The following DDX60 variants were observed in gnomAD, a reference collection of about 807,000 sequenced individuals.
DDX60 encodes the protein DExD/H-box helicase 60, also known as probable ATP-dependent RNA helicase DDX60.
A neutral mutation model predicts 212.8 loss-of-function variants in DDX60; 165 were observed. The observed-to-expected ratio is 0.78, with a 90% CI of 0.68 to 0.88. The LOEUF is 0.88. DDX60 is among the 40% of genes least tolerant of loss of function. The pLI, the probability that DDX60 is intolerant of heterozygous loss-of-function variation, is 0.00. For missense variants in DDX60, 1,905 were observed against 2,003.9 expected (o/e 0.95, Z 0.94); for synonymous variants, 703 against 685.3 (o/e 1.03, Z -0.40).
chr4:168,276,097 T>C lies in DDX60; in HGVS notation c.2063A>G (p.Gln688Arg). The C allele has an allele frequency of 6.2e-7, 1 of 1,613,808 alleles. No homozygotes were observed. Among genetic ancestry groups the C allele is most frequent in the South Asian group, 1.1e-5 (1 of 91,056 alleles). The change falls in exon 15 of 38, where the codon CAA (glutamine) becomes CGA (arginine). Residue 688 changes from glutamine to arginine, a missense_variant. Gln to Arg is a conservative substitution (Grantham distance 43). Transcript: ENST00000393743. ...GGCTATGAGTTGCCGATCATCTTCT[T>C]GTAAAAGTTCTGAGTATTTTTCCAT... Reference protein sequence around the residue: ...SLMEKYSELLQEDDRQLIARC... With the variant: ...SLMEKYSELLREDDRQLIARC...
chr4:168,276,208 G>T, intron 14 of DDX60, 27 bp from the exon 15 acceptor site: 5 of 1,542,934 alleles, frequency 3.2e-6, no homozygotes, highest in Non-Finnish European at 4.4e-6. Flanking sequence ...CAATAAAATT[G>T]TTATAAAGAC....
rs1433601610 is a variant in DDX60, at chr4:168,216,364, T to C, written c.*569A>G. The stretch of plus-strand genomic sequence containing the variant: ...TTATATACAATTACAATAAAGCAAA[T>C]CATTCTCTATATTTTTGTTAAATCA... On this transcript the variant is annotated 3_prime_UTR_variant, in exon 38 of 38. Transcript: ENST00000393743. The C allele has an allele frequency of 6.6e-6, 1 of 152,184 alleles. No homozygotes were observed. Among genetic ancestry groups the C allele is most frequent in the African/African-American group, 2.4e-5 (1 of 41,440 alleles). 9.4% of individuals were successfully genotyped at this position (152,184 alleles called of 1,614,324 possible). A position where few individuals can be genotyped will look rare whatever the true frequency, so the allele number is the denominator to read the frequency against.
At position 168,275,427 on chromosome 4, in the gene DDX60, T is replaced by C; in HGVS notation, c.2222A>G (p.Gln741Arg). The change falls in exon 16 of 38, where the codon CAA becomes CGA. Residue 741 changes from glutamine (Q) to arginine (R), a missense_variant. Transcript: ENST00000393743. ...TCGTATCAAATAATGGCCCATGTATTGCAGTTGGAACCGAGCTGGCCCAAT... is the reference window on the plus strand; with the variant it reads ...TCGTATCAAATAATGGCCCATGTATCGCAGTTGGAACCGAGCTGGCCCAAT... ...VGIGPARFQL[Q>R]YMGHYLIRDE... The C allele has an allele frequency of 1.9e-6, 3 of 1,613,320 alleles. No homozygotes were observed. The highest frequency in any genetic ancestry group is 1.7e-6 in the Non-Finnish European group (2 of 1,179,622).
chr4:168,282,272 T>C (rs1013401256), intron 13 of DDX60, among the ~76,000 whole-genome samples: 1 of 152,168 alleles, frequency 6.6e-6, no homozygotes, highest in African/African-American at 2.4e-5. Context: ...TAGAGTAATT[T>C]GTGATTATTT....
In DDX60 at chr4:168,231,665, C is replaced by T. The variant is rs560834026; in HGVS notation, c.4533+4587G>A. 2.0e-5 allele frequency among the ~76,000 whole-genome samples: 3 copies of T among 151,998 alleles called. No homozygotes were observed. The East Asian group carries it at 5.8e-4, about 29-fold the overall frequency. On this transcript the variant is annotated intron_variant, in intron 33 of 37. Coordinates refer to ENST00000393743, the MANE Select transcript of DDX60 (RefSeq NM_017631.6). Reference sequence around the variant, plus strand: ...AAAGCATTTGACAAAATCCAGCATCCCTTTAGGATTAAAACCCTCAGCAAA... The same window carrying T: ...AAAGCATTTGACAAAATCCAGCATCTCTTTAGGATTAAAACCCTCAGCAAA...
chr4:168,221,527 T>C (rs537652945), intron 36 of DDX60, among the ~76,000 whole-genome samples: 1 of 152,216 alleles, frequency 6.6e-6, no homozygotes, highest in East Asian at 1.9e-4. Flanking sequence ...CAAGATTTTG[T>C]TGGAAAACCA....
chr4:168,250,107 C>T (rs1255215508), intron 28 of DDX60, among the ~76,000 whole-genome samples: 4 of 152,216 alleles, frequency 2.6e-5, no homozygotes, highest in Admixed American at 2.6e-4. Flanking sequence ...CTACACAAAA[C>T]ATAGCAAGAC....
upstream of DDX60, among the ~76,000 whole-genome samples, chr4:168,322,054 A>G (rs904112939): frequency 1.4e-4 from 21 of 152,182 alleles, no homozygotes; most frequent in African/African-American, 4.3e-4. Context: ...CAGGCCCATT[A>G]GCCTAAATCT....
intron 15 of DDX60, 84 bp from the exon 16 acceptor site, chr4:168,275,587 T>C (rs1038644944): frequency 8.4e-6 from 10 of 1,185,458 alleles, no homozygotes; most frequent in Non-Finnish European, 1.1e-5. Flanking sequence ...TACTGAGCAC[T>C]TTCTATGTGA....
chr4:168,289,937 CT>C (rs1187153326), intron 8 of DDX60, among the ~76,000 whole-genome samples: 1 of 152,050 alleles, frequency 6.6e-6, no homozygotes, highest in Non-Finnish European at 1.5e-5. Flanking sequence ...CAAGTCCCCC[CT>C]GTTTTGCCTC....
Position 168,280,592 on chromosome 4 carries a change from T to C in DDX60, c.1723-2A>G, listed in dbSNP as rs1434119347. 2 of 1,602,570 alleles carry C rather than the reference T, an allele frequency of 1.2e-6. No individual in the cohort carries two copies. The highest frequency in any genetic ancestry group is 2.2e-5 in the East Asian group (1 of 44,776). ...AGCAATTATTTCAGCCTTGGTCTCC[T>C]GCCCCAAAGGAAAAAACATCTCTTA... is the stretch of plus-strand genomic sequence containing the variant. On this transcript the variant is annotated splice_acceptor_variant, in intron 13 of 37. Transcript: ENST00000393743. LOFTEE classifies it high-confidence loss of function.
At chr4:168,258,025 G>T (rs1734483328) in intron 25 of DDX60, among the ~76,000 whole-genome samples, 1 of 152,170 alleles carries the variant, frequency 6.6e-6, no homozygotes, top group Non-Finnish European at 1.5e-5. Context: ...CTGCCTGTGG[G>T]ATTATTTTAG....
Position 168,288,279 on chromosome 4 carries a change from G to T in DDX60, c.1078C>A (p.His360Asn). The part of the protein sequence containing the change: ...WCEYFILRNI[H>N]TFEFWNLNLI... ...TTCAGATTCCAAAATTCAAAAGTAT[G>T]TATATTTCTTAAGATGAAATATTCA... is the stretch of plus-strand genomic sequence containing the variant. Residue 360 changes from histidine to asparagine, a missense_variant, in exon 9 of 38, where the codon CAT (histidine) becomes AAT (asparagine). By Grantham distance (68) the His-to-Asn change is moderately conservative (BLOSUM62 1). Transcript: ENST00000393743. 6.7e-7 allele frequency: 1 copy of T among 1,490,174 alleles called. No individual in the cohort carries two copies. The highest frequency in any genetic ancestry group is 9.2e-7 in the Non-Finnish European group (1 of 1,088,560). The allele number at this position is 1,490,174 out of a possible 1,614,324, so 92.3% of individuals were successfully genotyped here.
At chr4:168,242,109 C>T (rs1439319358) in intron 30 of DDX60, among the ~76,000 whole-genome samples, 1 of 152,184 alleles carries the variant, frequency 6.6e-6, no homozygotes, top group Non-Finnish European at 1.5e-5. Context: ...GCACAGAAGT[C>T]AAGAACTGAG....
intron 11 of DDX60, 58 bp from the exon 12 acceptor site, chr4:168,284,993 A>C (rs1217152808): frequency 1.2e-6 from 1 of 839,832 alleles, no homozygotes; most frequent in African/African-American, 1.7e-5. Context: ...AACACAGCAC[A>C]GATTTTATTT....
At chr4:168,285,057 G>C in intron 11 of DDX60, 122 bp from the exon 12 acceptor site, 1 of 576,036 alleles carries the variant, frequency 1.7e-6, no homozygotes, top group South Asian at 2.9e-5. Context: ...ATATGATGTG[G>C]GTGGTAGACT....
At chr4:168,294,194 C>G (rs1736240717) in intron 6 of DDX60, among the ~76,000 whole-genome samples, 1 of 152,024 alleles carries the variant, frequency 6.6e-6, no homozygotes, top group Non-Finnish European at 1.5e-5. Flanking sequence ...AATAAAAGAG[C>G]TCACTGTATA....
intron 36 of DDX60, among the ~76,000 whole-genome samples, chr4:168,221,260 A>C (rs191273042): frequency 4.5e-4 from 69 of 152,268 alleles, no homozygotes; most frequent in Admixed American, 8.5e-4. Flanking sequence ...CATCCTGGAT[A>C]AATCCAACAG....
rs1191394359 is a variant in DDX60, at chr4:168,262,804, T to A, written c.3040-17A>T. ...CCTTTCAATCTGTTTAAAATAAAAT[T>A]AAAATTTTTACTCTTTATTTTATTT... is the stretch of plus-strand genomic sequence containing the variant. On this transcript the variant is annotated splice_polypyrimidine_tract_variant and intron_variant, in intron 22 of 37. Transcript: ENST00000393743. The A allele has an allele frequency of 1.3e-6, 2 of 1,514,134 alleles. No individual in the cohort carries two copies. Among genetic ancestry groups the A allele is most frequent in the Non-Finnish European group, 1.8e-6 (2 of 1,115,022 alleles). 93.8% of individuals were successfully genotyped at this position (1,514,134 alleles called of 1,614,324 possible).
Sources: gnomAD v4.1 joint callset for allele counts (sites outside exome capture counted in the v4.1 genomes callset) on GRCh38, gnomAD v4.1.1 for gene constraint, MANE v1.5 for transcripts, NCBI Gene and HGNC (gene_info 2026-07-23, HGNC 2026-07-21) for gene names.